The following ANO3 variants were observed in gnomAD, a reference collection of about 807,000 sequenced individuals.
ANO3 encodes the protein anoctamin 3, also known as anoctamin-3.
Under a neutral mutation model 144.8 loss-of-function variants are expected in ANO3, and 99 were observed. That is an observed-to-expected ratio of 0.68 (90% CI 0.58 to 0.81). ANO3 has a LOEUF of 0.81. Ranked by LOEUF, ANO3 falls within the 30% of genes least tolerant of loss-of-function variation. The pLI is 0.00. For synonymous variants in ANO3, 414 were observed against 392.6 expected (o/e 1.05, Z -0.64); for missense variants, 905 against 1,202.2 (o/e 0.75, Z 3.66).
At chr11:26,318,629 G>A (rs1179102280) in intron 1 of ANO3, among the ~76,000 whole-genome samples, 1 of 152,220 alleles carries the variant, frequency 6.6e-6, no homozygotes, top group East Asian at 1.9e-4. Flanking sequence ...AAGTTTGGAA[G>A]AGACTTTGTG....
At chr11:26,267,133 G>A (rs1853332231) in intron 1 of ANO3, among the ~76,000 whole-genome samples, 1 of 151,180 alleles carries the variant, frequency 6.6e-6, no homozygotes, top group Non-Finnish European at 1.5e-5. Flanking sequence ...AAAGACTTTT[G>A]TATATAAAGT....
At chr11:26,460,279 A>C (rs1240211804) in intron 3 of ANO3, 6 of 294,060 alleles carry the variant, frequency 2.0e-5, no homozygotes, top group Non-Finnish European at 3.3e-5. Flanking sequence ...TTGCTTTCCA[A>C]CTTTTAGGTT....
intron 24 of ANO3, among the ~76,000 whole-genome samples, chr11:26,652,043 A>G (rs1289466187): frequency 6.6e-6 from 1 of 152,136 alleles, no homozygotes; most frequent in Non-Finnish European, 1.5e-5. Flanking sequence ...TTCCTTGGAT[A>G]CGCAGGTCCT....
In ANO3 at chr11:26,454,099, C is replaced by T. The variant is rs1202985190; in HGVS notation, c.314-8931C>T. Among the ~76,000 whole-genome samples the T allele has an allele frequency of 2.0e-5, 3 of 151,926 alleles. No homozygotes were observed. In the East Asian group the frequency reaches 5.8e-4, roughly 29 times the overall value. On this transcript the variant is annotated intron_variant, in intron 3 of 26. Coordinates refer to ENST00000256737, the MANE Select transcript of ANO3 (RefSeq NM_031418.4). ...GCAGTGTGTAGAGGAAAATTTATAG[C>T]ACTAAATGCCCACAAGAGAAAGCAG... is the stretch of plus-strand genomic sequence containing the variant.
At chr11:26,529,163 TAATATATATTATTAATAA>T (rs1849252866) in intron 7 of ANO3, among the ~76,000 whole-genome samples, 1 of 4,498 alleles carries the variant, frequency 2.2e-4, no homozygotes, top group African/African-American at 4.9e-4. Flanking sequence ...ATATTATATA[TAATATATATTATTAATAA>T]TATATATTAT....
intron 1 of ANO3, among the ~76,000 whole-genome samples, chr11:26,325,653 T>G (rs904844899): frequency 6.6e-6 from 1 of 152,212 alleles, no homozygotes; most frequent in South Asian, 2.1e-4. Flanking sequence ...TATATCACAA[T>G]GTTTGATTTC....
chr11:26,364,872 C>G (rs537900990), intron 1 of ANO3, among the ~76,000 whole-genome samples: 7 of 152,292 alleles, frequency 4.6e-5, no homozygotes, highest in Admixed American at 3.9e-4. Flanking sequence ...AATCTCATAT[C>G]CCTCTCCCAT....
At chr11:26,456,003 G>T (rs1008073610) in intron 3 of ANO3, among the ~76,000 whole-genome samples, 7 of 151,286 alleles carry the variant, frequency 4.6e-5, no homozygotes, top group Non-Finnish European at 8.9e-5. Flanking sequence ...AATGGTGCTG[G>T]GAAAACTGGC....
At chr11:26,620,597 C>T (rs117894297) in intron 17 of ANO3, among the ~76,000 whole-genome samples, 3,180 of 152,124 alleles carry the variant, frequency 0.021, 44 homozygotes, top group Non-Finnish European at 0.033. Context: ...GTATCATGCA[C>T]GGAGCACTCT....
intron 1 of ANO3, among the ~76,000 whole-genome samples, chr11:26,241,160 A>C (rs1852657391): frequency 6.6e-6 from 1 of 152,172 alleles, no homozygotes. Flanking sequence ...CATACATGCA[A>C]GAAAAGACTT....
chr11:26,382,022 C>A (rs1385567942), intron 1 of ANO3, among the ~76,000 whole-genome samples: 1 of 152,088 alleles, frequency 6.6e-6, no homozygotes, highest in Non-Finnish European at 1.5e-5. Flanking sequence ...CATTCACTCT[C>A]TATTTCATAA....
At chr11:26,656,887 A>G (rs1366630912) in intron 26 of ANO3, among the ~76,000 whole-genome samples, 1 of 152,148 alleles carries the variant, frequency 6.6e-6, no homozygotes, top group Non-Finnish European at 1.5e-5. Flanking sequence ...GATCACTTAT[A>G]TATTTGTGTA....
chr11:26,460,487 G>A (rs1859354904), intron 3 of ANO3, among the ~76,000 whole-genome samples: 1 of 149,606 alleles, frequency 6.7e-6, no homozygotes, highest in South Asian at 2.1e-4. Context: ...AAGGAAGGGA[G>A]GGCAGTAAAA....
intron 1 of ANO3, among the ~76,000 whole-genome samples, chr11:26,362,960 A>G (rs577799590): frequency 1.3e-5 from 2 of 152,318 alleles, no homozygotes; most frequent in South Asian, 4.1e-4. Context: ...ATCCAAATAT[A>G]CATGTGTCAG....
Position 26,553,336 on chromosome 11 carries a change from C to A in ANO3, c.1377C>A (p.Ile459=), listed in dbSNP as rs1849993578. 1 of 1,606,104 alleles carries A rather than the reference C, an allele frequency of 6.2e-7. No homozygotes were observed. Among genetic ancestry groups the A allele is most frequent in the African/African-American group, 1.3e-5 (1 of 74,366 alleles). The part of the protein sequence containing the change: ...CSLQRLNDSC[I]YAKVTYLFDN... ...TGCAGAGACTCAACGACAGCTGTAT[C>A]TATGCCAAGGTGAGTGTGGACCCTC... The change falls in exon 13 of 27, where the codon ATC becomes ATA. Residue 459 remains isoleucine (I), a synonymous_variant. Transcript: ENST00000256737.
chr11:26,204,534 C>T (rs1427526294), intron 1 of ANO3, among the ~76,000 whole-genome samples: 1 of 152,128 alleles, frequency 6.6e-6, no homozygotes, highest in African/African-American at 2.4e-5. Flanking sequence ...TCACTTATCA[C>T]TCTGGTTCTT....
At chr11:26,423,699 T>A (rs900482028) in intron 1 of ANO3, among the ~76,000 whole-genome samples, 2 of 152,004 alleles carry the variant, frequency 1.3e-5, no homozygotes, top group African/African-American at 4.8e-5. Context: ...GAATTATACT[T>A]TCTGAGCTTT....
At chr11:26,254,519 G>T (rs1422223473) in intron 1 of ANO3, among the ~76,000 whole-genome samples, 2 of 152,066 alleles carry the variant, frequency 1.3e-5, no homozygotes, top group African/African-American at 4.8e-5. Context: ...GGAGAAAAAT[G>T]CATTTGTTTC....
chr11:26,373,513 A>G (rs1473743186), intron 1 of ANO3, among the ~76,000 whole-genome samples: 1 of 152,110 alleles, frequency 6.6e-6, no homozygotes, highest in Non-Finnish European at 1.5e-5. Flanking sequence ...TTTATAAATT[A>G]CCCCGTTTTA....
Sources: allele counts gnomAD v4.1 joint callset (sites outside exome capture counted in the v4.1 genomes callset), GRCh38; gene constraint gnomAD v4.1.1; transcripts MANE v1.5; gene names NCBI Gene and HGNC (gene_info 2026-07-23, HGNC 2026-07-21).